The following PIK3R4 variants were observed in gnomAD, a reference collection of about 807,000 sequenced individuals.
The protein encoded by PIK3R4 is phosphoinositide 3-kinase regulatory subunit 4.
A neutral mutation model predicts 136.5 loss-of-function variants in PIK3R4; 46 were observed. The observed-to-expected ratio is 0.34, with a 90% CI of 0.27 to 0.43. The LOEUF (loss-of-function observed/expected upper bound fraction) is 0.43. PIK3R4 is among the 20% of genes least tolerant of loss of function. The pLI, the probability that PIK3R4 is intolerant of heterozygous loss-of-function variation, is 1.00. For synonymous variants in PIK3R4, 557 were observed against 566.7 expected (o/e 0.98, Z 0.24); for missense variants, 1,331 against 1,649.5 (o/e 0.81, Z 3.35).
At position 130,744,568 on chromosome 3, in the gene PIK3R4, A is replaced by C; in HGVS notation, c.651T>G (p.Asp217Glu). 1 of 1,614,132 alleles carries C rather than the reference A, an allele frequency of 6.2e-7. No individual in the cohort carries two copies. The highest frequency in any genetic ancestry group is 1.7e-5 in the Admixed American group (1 of 60,016). Residue 217 changes from aspartate to glutamate, a missense_variant, in exon 2 of 20, where the codon GAT becomes GAG. Asp to Glu is a conservative substitution (Grantham distance 45). Coordinates refer to ENST00000356763, the MANE Select transcript of PIK3R4 (RefSeq NM_014602.3). ...TTAAGTCTACAAGCGGAGTTGAAGGATCTCTCATATATTCTAACTCAGTGG... is the reference window on the plus strand; with the variant it reads ...TTAAGTCTACAAGCGGAGTTGAAGGCTCTCTCATATATTCTAACTCAGTGG... ...MFATELEYMRDPSTPLVDLNS... is the reference protein window; with the variant it reads ...MFATELEYMREPSTPLVDLNS...
intron 10 of PIK3R4, 27 bp downstream of exon 10, chr3:130,708,264 T>TAC (rs749675970): frequency 4.5e-6 from 7 of 1,562,896 alleles, no homozygotes; most frequent in Non-Finnish European, 6.2e-6. Flanking sequence ...AACAACAAGC[T>TAC]ACACACACAC....
chr3:130,706,520 A>G (rs919773684), intron 11 of PIK3R4, among the ~76,000 whole-genome samples: 16 of 152,230 alleles, frequency 1.1e-4, no homozygotes, highest in African/African-American at 3.6e-4. Context: ...TTGTTAAGTC[A>G]GGAATGATCT....
chr3:130,684,573 CTG>C (rs1290377302), intron 15 of PIK3R4, among the ~76,000 whole-genome samples, 192 bp from the exon 16 acceptor site: 10 of 152,164 alleles, frequency 6.6e-5, no homozygotes, highest in African/African-American at 9.7e-5. Flanking sequence ...TGATAAATAA[CTG>C]AGATATAAAG....
chr3:130,731,811 AT>A (rs1262725309), intron 4 of PIK3R4, among the ~76,000 whole-genome samples: 1 of 152,220 alleles, frequency 6.6e-6, no homozygotes. Context: ...AACCATACAC[AT>A]TCAAATACAC....
Position 130,746,519 on chromosome 3 carries a change from G to A in PIK3R4, c.-248C>T, listed in dbSNP as rs994213886. ...TTCAGGAACCCCGGTGGTCCTGGGA[G>A]GAGAACTGGGAAAGCTCTCGGGGTC... On this transcript the variant is annotated 5_prime_UTR_variant, in exon 1 of 20. Transcript: ENST00000356763. 5.2e-5 allele frequency: 8 copies of A among 152,398 alleles called. No homozygotes were observed. Among genetic ancestry groups the A allele is most frequent in the African/African-American group, 1.9e-4 (8 of 41,528 alleles). The allele number at this position is 152,398 out of a possible 1,614,324, so 9.4% of individuals were successfully genotyped here. A position where few individuals can be genotyped will look rare whatever the true frequency, so the allele number is the denominator to read the frequency against.
intron 9 of PIK3R4, among the ~76,000 whole-genome samples, chr3:130,709,407 A>T (rs2066622490): frequency 6.6e-6 from 1 of 152,096 alleles, no homozygotes; most frequent in Non-Finnish European, 1.5e-5. Context: ...CTAGAATCCC[A>T]CTAGAGTTTA....
chr3:130,680,892 T>C (rs1448591271), intron 18 of PIK3R4, 85 bp downstream of exon 18: 1 of 796,480 alleles, frequency 1.3e-6, no homozygotes, highest in Non-Finnish European at 2.1e-6. Flanking sequence ...CCTTATAAGA[T>C]GATTTTAAAC....
chr3:130,708,399 G>A lies in PIK3R4; in HGVS notation c.2425C>T (p.His809Tyr), dbSNP rs376882110. 6 of 1,613,576 alleles carry A rather than the reference G, an allele frequency of 3.7e-6. No individual in the cohort carries two copies. The African/African-American group carries it at 8.0e-5, about 22-fold the overall frequency. The change falls in exon 10 of 20, where the codon CAT becomes TAT. Residue 809 changes from histidine to tyrosine, a missense_variant. His to Tyr is a moderately conservative substitution (Grantham distance 83). Transcript: ENST00000356763. ...KAKANIVDQS[H>Y]LHDSSQKGVI... Reference sequence around the variant, plus strand: ...CCTTTCTGACTACTATCATGAAGATGGCTCTGGTCCACTATATTGGCCTTT... The same window carrying A: ...CCTTTCTGACTACTATCATGAAGATAGCTCTGGTCCACTATATTGGCCTTT...
At chr3:130,736,677 T>C (rs904694041) in intron 2 of PIK3R4, among the ~76,000 whole-genome samples, 3 of 152,098 alleles carry the variant, frequency 2.0e-5, no homozygotes, top group Non-Finnish European at 4.4e-5. Flanking sequence ...TTTTTTCAAG[T>C]ATGGACTTAC....
intron 2 of PIK3R4, among the ~76,000 whole-genome samples, chr3:130,743,857 G>A (rs1433707069): frequency 6.6e-6 from 1 of 152,182 alleles, no homozygotes; most frequent in Admixed American, 6.5e-5. Flanking sequence ...ATCTGGCTGA[G>A]TTTGGGCCTT....
intron 13 of PIK3R4, among the ~76,000 whole-genome samples, chr3:130,692,749 A>C (rs1218177027): frequency 6.6e-6 from 1 of 152,256 alleles, no homozygotes; most frequent in Admixed American, 6.5e-5. Context: ...GTAAATGAGT[A>C]AAGACAGCCA....
intron 9 of PIK3R4, among the ~76,000 whole-genome samples, chr3:130,710,077 G>A (rs533625957): frequency 6.6e-6 from 1 of 151,974 alleles, no homozygotes; most frequent in South Asian, 2.1e-4. Context: ...AAAACAAATT[G>A]ACAAGAACAT....
intron 13 of PIK3R4, among the ~76,000 whole-genome samples, chr3:130,698,870 T>G (rs919879889): frequency 2.3e-4 from 35 of 152,350 alleles, no homozygotes; most frequent in African/African-American, 8.4e-4. Context: ...CACTGAAGTC[T>G]CTGTTCAGTT....
intron 9 of PIK3R4, among the ~76,000 whole-genome samples, chr3:130,715,460 G>T (rs2066659618): frequency 6.6e-6 from 1 of 152,022 alleles, no homozygotes; most frequent in South Asian, 2.1e-4. Flanking sequence ...ATTCTGACTG[G>T]CATGAGATGG....
Position 130,716,616 on chromosome 3 carries a change from A to G in PIK3R4, c.2128-17T>C, listed in dbSNP as rs1559826279. 1 of 1,554,856 alleles carries G rather than the reference A, an allele frequency of 6.4e-7. No individual in the cohort carries two copies. Among genetic ancestry groups the G allele is most frequent in the Admixed American group, 1.8e-5 (1 of 55,410 alleles). On this transcript the variant is annotated splice_polypyrimidine_tract_variant and intron_variant, in intron 8 of 19. Transcript: ENST00000356763. ...TCTTTCAATCTATATTGGAAAAATA[A>G]AAAGGATCAGCCAAAAATATAACAT...
Position 130,691,812 on chromosome 3 carries a change from G to GT in PIK3R4, c.3099-1159dup, listed in dbSNP as rs1193277379. On this transcript the variant is annotated intron_variant, in intron 13 of 19. Transcript: ENST00000356763. The stretch of plus-strand genomic sequence containing the variant: ...TACATATTACAATACATTCACACTT[G>GT]TTTTTTTTAAAAAAATCTGTAATAT... Among the ~76,000 whole-genome samples, 359 of 111,534 alleles carry GT rather than the reference G, an allele frequency of 3.2e-3. 4 individuals are homozygous for GT. Among genetic ancestry groups the GT allele is most frequent in the African/African-American group, 0.011 (316 of 29,644 alleles). The allele number at this position is 111,534 out of a possible 152,430, so 73.2% of individuals were successfully genotyped here. A position where few individuals can be genotyped will look rare whatever the true frequency, so the allele number is the denominator to read the frequency against.
intron 14 of PIK3R4, among the ~76,000 whole-genome samples, chr3:130,690,043 A>G (rs2066508004): frequency 6.6e-6 from 1 of 152,244 alleles, no homozygotes; most frequent in African/African-American, 2.4e-5. Context: ...CCATGTCCCC[A>G]TCAACTTCAG....
chr3:130,744,753 C>G lies in PIK3R4; in HGVS notation c.466G>C (p.Val156Leu). The G allele has an allele frequency of 6.2e-7, 1 of 1,614,250 alleles. No homozygotes were observed. Among genetic ancestry groups the G allele is most frequent in the African/African-American group, 1.3e-5 (1 of 75,068 alleles). ...AGAAGAACCCAATTCCAACTGGTGA[C>G]CATCACATTCTCAGTCTTGATGTCC... Reference protein sequence around the residue: ...HGDIKTENVMVTSWNWVLLTD... With the variant: ...HGDIKTENVMLTSWNWVLLTD... Residue 156 changes from valine (V) to leucine (L), a missense_variant, in exon 2 of 20, where the codon GTC (valine) becomes CTC (leucine). Val to Leu is a conservative substitution (Grantham distance 32). Around this residue, in one of 2 missense-constraint regions of PIK3R4, gnomAD observed 151 missense variants for 242.5 expected, o/e 0.62. Coordinates refer to ENST00000356763, the MANE Select transcript of PIK3R4 (RefSeq NM_014602.3).
chr3:130,733,797 G>C lies in PIK3R4; in HGVS notation c.1201C>G (p.Leu401Val). Residue 401 changes from leucine to valine, a missense_variant, in exon 4 of 20, where the codon CTG (leucine) becomes GTG (valine). By Grantham distance (32) the Leu-to-Val change is conservative. This residue lies in a region of PIK3R4 where 1,180 missense variants were observed against 1,407.0 expected (regional missense o/e 0.84). Coordinates refer to ENST00000356763, the MANE Select transcript of PIK3R4 (RefSeq NM_014602.3). Reference sequence around the variant, plus strand: ...AATCTTGGAGCCAAATGAAGAATCAGTTCCAAAGCAGCTAGTTTGGAATCA... The same window carrying C: ...AATCTTGGAGCCAAATGAAGAATCACTTCCAAAGCAGCTAGTTTGGAATCA... The part of the protein sequence containing the change: ...YCDSKLAALE[L>V]ILHLAPRLSV... The C allele has an allele frequency of 1.2e-6, 2 of 1,614,086 alleles. No individual in the cohort carries two copies. The highest frequency in any genetic ancestry group is 1.7e-6 in the Non-Finnish European group (2 of 1,179,952).
Sources: gnomAD v4.1 joint callset for allele counts (sites outside exome capture counted in the v4.1 genomes callset) on GRCh38, gnomAD v4.1.1 for gene constraint, gnomAD v4.1.1 regional missense constraint, MANE v1.5 for transcripts, NCBI Gene and HGNC (gene_info 2026-07-23, HGNC 2026-07-21) for gene names.